The following STK39 variants were observed in gnomAD, a reference collection of about 807,000 sequenced individuals.
The protein encoded by STK39 is STE20/SPS1-related proline-alanine-rich protein kinase.
STK39 carries 20 observed loss-of-function variants against 77.8 expected under a neutral mutation model. The ratio of observed to expected loss-of-function variants is 0.26; its 90% CI spans 0.18 to 0.37. The LOEUF (loss-of-function observed/expected upper bound fraction) is 0.37. Among genes scored for constraint, STK39 ranks in the 10% least tolerant of loss-of-function variants. STK39 has a pLI of 1.00. For missense variants in STK39, 479 were observed against 656.5 expected (o/e 0.73, Z 2.95); for synonymous variants, 246 against 234.1 (o/e 1.05, Z -0.47).
intron 10 of STK39, among the ~76,000 whole-genome samples, chr2:168,101,321 G>A (rs955348040): frequency 4.6e-5 from 7 of 152,104 alleles, no homozygotes; most frequent in Non-Finnish European, 8.8e-5. Flanking sequence ...AAATCTGCAC[G>A]TTCTGTACAT....
chr2:168,092,161 G>A (rs1182266831), intron 10 of STK39, among the ~76,000 whole-genome samples: 1 of 152,318 alleles, frequency 6.6e-6, no homozygotes, highest in African/African-American at 2.4e-5. Context: ...CAAAAGGACA[G>A]AGTAGGAACG....
intron 16 of STK39, among the ~76,000 whole-genome samples, chr2:168,007,935 A>G (rs1684172697): frequency 6.6e-6 from 1 of 152,144 alleles, no homozygotes; most frequent in Non-Finnish European, 1.5e-5. Flanking sequence ...AAAATGCACG[A>G]TTCAGTGGTT....
intron 16 of STK39, among the ~76,000 whole-genome samples, chr2:167,982,282 T>C (rs1209322632): frequency 1.3e-5 from 2 of 152,042 alleles, no homozygotes; most frequent in East Asian, 1.9e-4. Flanking sequence ...TGCATTCTAA[T>C]AAAAAAAATT....
chr2:168,083,488 G>A (rs1686291772), intron 10 of STK39, among the ~76,000 whole-genome samples: 1 of 152,082 alleles, frequency 6.6e-6, no homozygotes, highest in Non-Finnish European at 1.5e-5. Context: ...CCTTGGAGTA[G>A]TTCACAGTCC....
At chr2:168,230,147 T>C (rs1247214997) in intron 1 of STK39, among the ~76,000 whole-genome samples, 2 of 152,216 alleles carry the variant, frequency 1.3e-5, no homozygotes, top group South Asian at 4.1e-4. Flanking sequence ...AAAATGGCAA[T>C]AAGAATTCCT....
At chr2:168,046,373 CAAAA>C (rs1353238577) in intron 14 of STK39, among the ~76,000 whole-genome samples, 204 of 151,950 alleles carry the variant, frequency 1.3e-3, no homozygotes, top group African/African-American at 4.8e-3. Flanking sequence ...ATCTCAAAAA[CAAAA>C]CAAACAAACA....
At chr2:168,198,775 T>C (rs956845459) in intron 1 of STK39, among the ~76,000 whole-genome samples, 3 of 152,240 alleles carry the variant, frequency 2.0e-5, no homozygotes, top group Non-Finnish European at 4.4e-5. Context: ...AGTTCACAGA[T>C]GAAACACTTC....
At chr2:168,041,223 TTCCAACTCCTAAAG>T (rs1180341594) in intron 14 of STK39, among the ~76,000 whole-genome samples, 18 of 151,714 alleles carry the variant, frequency 1.2e-4, no homozygotes, top group Admixed American at 9.9e-4. Context: ...TATGCAATCC[TTCCAACTCCTAAAG>T]TCCAACTCTT....
intron 5 of STK39, among the ~76,000 whole-genome samples, chr2:168,158,746 C>A (rs1238090608): frequency 6.6e-6 from 1 of 152,168 alleles, no homozygotes; most frequent in East Asian, 1.9e-4. Flanking sequence ...TGCAATAGTA[C>A]CTTCCTCATG....
intron 1 of STK39, among the ~76,000 whole-genome samples, chr2:168,224,541 C>T (rs1047874057): frequency 4.0e-5 from 6 of 151,734 alleles, no homozygotes; most frequent in Non-Finnish European, 7.3e-5. Context: ...CAACTCCTCA[C>T]CAAAGCAATC....
At chr2:168,068,790 T>C (rs1685863091) in intron 12 of STK39, among the ~76,000 whole-genome samples, 1 of 152,120 alleles carries the variant, frequency 6.6e-6, no homozygotes, top group Non-Finnish European at 1.5e-5. Flanking sequence ...GTTAAAGCAG[T>C]CTGTGATGGC....
chr2:167,993,460 G>A (rs1683754013), intron 16 of STK39, among the ~76,000 whole-genome samples: 1 of 152,204 alleles, frequency 6.6e-6, no homozygotes, highest in Admixed American at 6.5e-5. Flanking sequence ...GTCGAAGCGG[G>A]AGGATCGCTT....
At chr2:167,987,940 C>T in intron 16 of STK39, among the ~76,000 whole-genome samples, 1 of 152,074 alleles carries the variant, frequency 6.6e-6, no homozygotes, top group Non-Finnish European at 1.5e-5. Context: ...AATTTTAATC[C>T]TTACAGCTAT....
At chr2:168,074,872 T>C in intron 12 of STK39, 110 bp downstream of exon 12, 1 of 1,325,950 alleles carries the variant, frequency 7.5e-7, no homozygotes, top group Non-Finnish European at 1.0e-6. Flanking sequence ...GCCTTTCCTT[T>C]TTCTTTCTAC....
intron 16 of STK39, among the ~76,000 whole-genome samples, chr2:167,996,036 A>C (rs1349797995): frequency 1.3e-5 from 2 of 151,382 alleles, no homozygotes; most frequent in African/African-American, 4.9e-5. Flanking sequence ...TGGGCCCTGC[A>C]AATTATGTAG....
At chr2:167,994,438 G>T (rs1383867033) in intron 16 of STK39, among the ~76,000 whole-genome samples, 6 of 151,858 alleles carry the variant, frequency 4.0e-5, no homozygotes, top group African/African-American at 1.2e-4. Context: ...TGTGTGTGTG[G>T]AGGTGAAACT....
At chr2:168,157,181 T>C (rs1317573107) in intron 5 of STK39, among the ~76,000 whole-genome samples, 1 of 152,128 alleles carries the variant, frequency 6.6e-6, no homozygotes, top group African/African-American at 2.4e-5. Flanking sequence ...TGAAGATGTA[T>C]TCAAGGCTGA....
At chr2:168,235,635 T>G (rs1327194473) in intron 1 of STK39, among the ~76,000 whole-genome samples, 16 of 115,766 alleles carry the variant, frequency 1.4e-4, no homozygotes, top group African/African-American at 4.3e-4. Context: ...CCCCAGAGTG[T>G]GATGTTCCCC....
At chr2:168,242,574 T>TATATATAAAA (rs1690794564) in intron 1 of STK39, among the ~76,000 whole-genome samples, 1 of 68,504 alleles carries the variant, frequency 1.5e-5, no homozygotes, top group Non-Finnish European at 2.7e-5. Context: ...TATATATATA[T>TATATATAAAA]ATATATATAT....
Sources: allele counts gnomAD v4.1 joint callset (sites outside exome capture counted in the v4.1 genomes callset), GRCh38; gene constraint gnomAD v4.1.1; transcripts MANE v1.5; gene names NCBI Gene and HGNC (gene_info 2026-07-23, HGNC 2026-07-21).